Variants in RBPMS observed in about 807,000 individuals in gnomAD.
The protein encoded by RBPMS is RNA-binding protein with multiple splicing.
Under a neutral mutation model 26.8 loss-of-function variants are expected in RBPMS, and 7 were observed. The ratio of observed to expected loss-of-function variants is 0.26; its 90% CI spans 0.15 to 0.49. The LOEUF (loss-of-function observed/expected upper bound fraction) is 0.49. Among genes scored for constraint, RBPMS ranks in the 20% least tolerant of loss-of-function variants. The probability of loss-of-function intolerance (pLI) is 0.98; values close to 1 mark genes in which losing one functional copy is unlikely to be tolerated. For synonymous variants in RBPMS, 96 were observed against 93.3 expected (o/e 1.03, Z -0.17); for missense variants, 186 against 250.0 (o/e 0.74, Z 1.73).
At chr8:30,514,410 T>A (rs2150965080) in intron 5 of RBPMS, among the ~76,000 whole-genome samples, 1 of 152,278 alleles carries the variant, frequency 6.6e-6, no homozygotes, top group Admixed American at 6.5e-5. Flanking sequence ...TTGTGAGATG[T>A]GCCTGTCACT....
At chr8:30,553,642 C>T (rs1826583161) in intron 6 of RBPMS, 1 of 152,246 alleles carries the variant, frequency 6.6e-6, no homozygotes, top group Non-Finnish European at 1.5e-5. Context: ...CCACAGCGAA[C>T]TTCAGCGCTC....
intron 1 of RBPMS, among the ~76,000 whole-genome samples, chr8:30,460,770 A>G (rs1237184368): frequency 6.6e-6 from 1 of 152,190 alleles, no homozygotes; most frequent in Non-Finnish European, 1.5e-5. Context: ...AATTAAAATT[A>G]ATGGAGCTGG....
chr8:30,431,917 T>G (rs1184695600), intron 1 of RBPMS, among the ~76,000 whole-genome samples: 1 of 151,738 alleles, frequency 6.6e-6, no homozygotes, highest in African/African-American at 2.4e-5. Flanking sequence ...GCCCAAGAGT[T>G]GGAGACCAGT....
At chr8:30,570,487 C>A (rs1012373152) in intron 8 of RBPMS, 150 bp from the exon 9 acceptor site, 3 of 152,658 alleles carry the variant, frequency 2.0e-5, no homozygotes, top group Non-Finnish European at 4.4e-5. Flanking sequence ...ACCACTGACA[C>A]ATGTGGTCAG....
chr8:30,551,637 G>A (rs540915050), intron 6 of RBPMS, among the ~76,000 whole-genome samples: 4 of 152,274 alleles, frequency 2.6e-5, no homozygotes, highest in African/African-American at 9.6e-5. Context: ...CCAACCCTGA[G>A]TCCCAACAAG....
At chr8:30,409,949 G>T (rs1809128227) in intron 1 of RBPMS, among the ~76,000 whole-genome samples, 1 of 152,046 alleles carries the variant, frequency 6.6e-6, no homozygotes, top group South Asian at 2.1e-4. Context: ...ATTCTTTTAT[G>T]TGTCTACGTG....
intron 8 of RBPMS, among the ~76,000 whole-genome samples, chr8:30,568,271 G>A (rs953641017): frequency 6.6e-6 from 1 of 152,184 alleles, no homozygotes; most frequent in African/African-American, 2.4e-5. Flanking sequence ...GGAAGCCTTA[G>A]AAACTCTTGG....
Position 30,559,123 on chromosome 8 carries a change from C to T in RBPMS, c.*7+167C>T, listed in dbSNP as rs755462571. ...TGAACTACATAGCAGTGCATCTTTTCCGAGAGGAAATTTTCACCTAGGTAC... is the reference window on the plus strand; with the variant it reads ...TGAACTACATAGCAGTGCATCTTTTTCGAGAGGAAATTTTCACCTAGGTAC... On this transcript the variant is annotated intron_variant, in intron 7 of 8. Transcript: ENST00000397323. Among the ~76,000 whole-genome samples the T allele has an allele frequency of 7.6e-4, 115 of 152,200 alleles. 2 individuals carry two copies. Among genetic ancestry groups the T allele is most frequent in the Non-Finnish European group, 3.8e-4 (26 of 68,034 alleles).
At chr8:30,454,197 G>A (rs1038875728) in intron 1 of RBPMS, among the ~76,000 whole-genome samples, 1 of 152,200 alleles carries the variant, frequency 6.6e-6, no homozygotes, top group African/African-American at 2.4e-5. Context: ...CAGAAAGTGT[G>A]TATAGCTAAA....
At chr8:30,493,632 A>G (rs1429400897) in intron 4 of RBPMS, among the ~76,000 whole-genome samples, 1 of 151,986 alleles carries the variant, frequency 6.6e-6, no homozygotes, top group Non-Finnish European at 1.5e-5. Context: ...AATATTATCT[A>G]TTTCAAAGTG....
At chr8:30,558,408 A>G (rs16877165) in intron 6 of RBPMS, 6,250 of 192,520 alleles carry the variant, frequency 0.032, 428 homozygotes, top group African/African-American at 0.14. Flanking sequence ...CCTTTTTTTA[A>G]AAGAACAGGA....
chr8:30,460,736 C>G (rs1252884667), intron 1 of RBPMS, among the ~76,000 whole-genome samples: 1 of 151,992 alleles, frequency 6.6e-6, no homozygotes, highest in East Asian at 1.9e-4. Context: ...TATTTTATTG[C>G]CTTTTAGATT....
At chr8:30,458,396 T>A (rs1423528842) in intron 1 of RBPMS, among the ~76,000 whole-genome samples, 4 of 152,124 alleles carry the variant, frequency 2.6e-5, no homozygotes, top group African/African-American at 9.7e-5. Context: ...GAGAGGTAGG[T>A]TTTGTTATCC....
intron 1 of RBPMS, among the ~76,000 whole-genome samples, chr8:30,442,346 C>CA (rs1813183834): frequency 6.6e-6 from 1 of 152,156 alleles, no homozygotes; most frequent in Non-Finnish European, 1.5e-5. Flanking sequence ...CACCAAGTCT[C>CA]AGTCGCTTTT....
chr8:30,558,078 G>T (rs1438173006), intron 6 of RBPMS: 1 of 152,198 alleles, frequency 6.6e-6, no homozygotes, highest in East Asian at 1.9e-4. Context: ...TGGTCAGGCT[G>T]GTCTTGAACT....
At chr8:30,525,453 ATATGT>A (rs1029058981) in intron 5 of RBPMS, among the ~76,000 whole-genome samples, 1 of 152,210 alleles carries the variant, frequency 6.6e-6, no homozygotes, top group Non-Finnish European at 1.5e-5. Context: ...CCCTATTTAT[ATATGT>A]TAAGTGCTAC....
At chr8:30,489,774 A>ATTTTTTC (rs1554525081) in intron 4 of RBPMS, among the ~76,000 whole-genome samples, 105 of 147,480 alleles carry the variant, frequency 7.1e-4, no homozygotes, top group Middle Eastern at 4.2e-3. Context: ...TGGTGTTTTT[A>ATTTTTTC]TTTTTTCTTT....
intron 5 of RBPMS, among the ~76,000 whole-genome samples, chr8:30,529,515 A>C (rs1823974553): frequency 1.3e-5 from 2 of 151,380 alleles, no homozygotes; most frequent in Non-Finnish European, 2.9e-5. Flanking sequence ...AAAAAAGAAA[A>C]GACAAAACAA....
intron 5 of RBPMS, among the ~76,000 whole-genome samples, chr8:30,513,415 C>T (rs535728114): frequency 6.6e-6 from 1 of 151,928 alleles, no homozygotes; most frequent in Admixed American, 6.6e-5. Context: ...CGGTGAAACC[C>T]TGTCTCTACT....
Sources: allele counts gnomAD v4.1 joint callset (sites outside exome capture counted in the v4.1 genomes callset), GRCh38; gene constraint gnomAD v4.1.1; transcripts MANE v1.5; gene names NCBI Gene and HGNC (gene_info 2026-07-23, HGNC 2026-07-21).